Variants in CEP112 observed in about 807,000 individuals in gnomAD.
The protein encoded by CEP112 is centrosomal protein of 112 kDa.
A neutral mutation model predicts 153.0 loss-of-function variants in CEP112; 127 were observed. The observed-to-expected ratio is 0.83, with a 90% CI of 0.72 to 0.96. The LOEUF (loss-of-function observed/expected upper bound fraction) is 0.96, where lower values mean the gene tolerates loss of function less well. CEP112 is among the 40% of genes least tolerant of loss of function. CEP112 has a pLI of 0.00. For missense variants in CEP112, 1,089 were observed against 1,101.2 expected, an observed-to-expected ratio of 0.99 and a Z score of 0.16; for synonymous variants, 358 against 374.4, an observed-to-expected ratio of 0.96 and a Z score of 0.51.
At chr17:66,048,169 T>C (rs576865173) in intron 12 of CEP112, among the ~76,000 whole-genome samples, 1 of 152,010 alleles carries the variant, frequency 6.6e-6, no homozygotes, top group African/African-American at 2.4e-5. Flanking sequence ...AACCGATAGA[T>C]CCAGACAGCT....
intron 4 of CEP112, among the ~76,000 whole-genome samples, chr17:66,172,970 G>C (rs897983259): frequency 1.3e-5 from 2 of 151,962 alleles, no homozygotes; most frequent in Non-Finnish European, 2.9e-5. Flanking sequence ...TATTGCTCAC[G>C]CTGGCCTCAC....
chr17:65,860,233 CCT>C (rs2058269967), intron 20 of CEP112, among the ~76,000 whole-genome samples: 2 of 151,916 alleles, frequency 1.3e-5, no homozygotes, highest in Non-Finnish European at 2.9e-5. Flanking sequence ...TAGAAATAAG[CCT>C]ATCAAAAGAT....
intron 23 of CEP112, among the ~76,000 whole-genome samples, chr17:65,729,416 A>C (rs1002075062): frequency 3.3e-5 from 5 of 152,078 alleles, no homozygotes; most frequent in African/African-American, 7.2e-5. Flanking sequence ...GTGCAAAAGT[A>C]ATTGCGGTTT....
At chr17:65,953,308 A>T (rs567594310) in intron 18 of CEP112, among the ~76,000 whole-genome samples, 1 of 152,330 alleles carries the variant, frequency 6.6e-6, no homozygotes, top group Non-Finnish European at 1.5e-5. Context: ...AGAAAGTTGA[A>T]ATACAGATTA....
intron 18 of CEP112, among the ~76,000 whole-genome samples, chr17:65,958,200 T>C (rs1046338056): frequency 9.9e-5 from 15 of 152,216 alleles, no homozygotes; most frequent in Non-Finnish European, 7.3e-5. Context: ...GGTTCATGTA[T>C]TCATACAAAT....
intron 8 of CEP112, among the ~76,000 whole-genome samples, chr17:66,081,715 G>A (rs894943637): frequency 6.6e-6 from 1 of 151,530 alleles, no homozygotes; most frequent in African/African-American, 2.4e-5. Context: ...AGGAGTTCAA[G>A]ACCAGCCTGG....
intron 25 of CEP112, among the ~76,000 whole-genome samples, chr17:65,639,973 G>A (rs1348820877): frequency 6.7e-6 from 1 of 148,838 alleles, no homozygotes; most frequent in Non-Finnish European, 1.5e-5. Flanking sequence ...GAGTAGCTGG[G>A]ATAACAGGCA....
In CEP112 at chr17:66,030,022, T is replaced by C. The variant is rs1408160411; in HGVS notation, c.1220A>G (p.Asn407Ser). 1 of 1,612,928 alleles carries C rather than the reference T, an allele frequency of 6.2e-7. No homozygotes were observed. Among genetic ancestry groups the C allele is most frequent in the South Asian group, 1.1e-5 (1 of 90,816 alleles). ...GGCCTCCAGTTCTTTGATCATGTGG[T>C]TCTAAAAGAACAGGTCATGGTTAAG... The part of the protein sequence containing the change: ...SEYMAQTQST[N>S]HMIKELEARV... The change falls in exon 13 of 27, where the codon AAC becomes AGC. Residue 407 changes from asparagine (N) to serine (S), a missense_variant and splice_region_variant. Transcript: ENST00000535342.
chr17:65,773,961 C>T (rs1001632229), intron 21 of CEP112, among the ~76,000 whole-genome samples: 1 of 151,952 alleles, frequency 6.6e-6, no homozygotes, highest in African/African-American at 2.4e-5. Context: ...GTGGCACACG[C>T]CTGTAATCCC....
At chr17:65,723,240 T>C (rs1006217485) in intron 23 of CEP112, among the ~76,000 whole-genome samples, 1 of 152,142 alleles carries the variant, frequency 6.6e-6, no homozygotes, top group Non-Finnish European at 1.5e-5. Context: ...GAAAAAAAAC[T>C]GGCCAAACTC....
At chr17:65,742,607 T>A (rs867035723) in intron 23 of CEP112, among the ~76,000 whole-genome samples, 12 of 152,210 alleles carry the variant, frequency 7.9e-5, no homozygotes, top group Admixed American at 3.3e-4. Flanking sequence ...CTGTACTGTG[T>A]CAAAGCACAT....
At chr17:65,971,919 G>C (rs912318217) in intron 17 of CEP112, among the ~76,000 whole-genome samples, 2 of 152,040 alleles carry the variant, frequency 1.3e-5, no homozygotes, top group African/African-American at 2.4e-5. Flanking sequence ...GAAATGCAGG[G>C]GTGAATAAAC....
chr17:65,883,790 G>C (rs1046816687), intron 20 of CEP112, among the ~76,000 whole-genome samples: 1 of 152,216 alleles, frequency 6.6e-6, no homozygotes, highest in Non-Finnish European at 1.5e-5. Flanking sequence ...GATAAGGCAA[G>C]ATTATCAGTT....
intron 8 of CEP112, among the ~76,000 whole-genome samples, chr17:66,073,947 G>T (rs923716876): frequency 6.6e-6 from 1 of 151,910 alleles, no homozygotes; most frequent in Non-Finnish European, 1.5e-5. Flanking sequence ...AAAAAGAAAA[G>T]AAAATTTTGT....
chr17:66,000,373 T>C (rs1319280288), intron 17 of CEP112, among the ~76,000 whole-genome samples: 1 of 151,800 alleles, frequency 6.6e-6, no homozygotes, highest in African/African-American at 2.4e-5. Context: ...AAGAAAGTGT[T>C]TGTGGTTTTA....
intron 24 of CEP112, among the ~76,000 whole-genome samples, chr17:65,678,712 T>C (rs763613259): frequency 5.3e-5 from 8 of 152,096 alleles, no homozygotes; most frequent in Non-Finnish European, 1.0e-4. Flanking sequence ...ACTTCAACAA[T>C]GTAGAAAATG....
At chr17:65,765,301 T>C (rs1212122204) in intron 21 of CEP112, among the ~76,000 whole-genome samples, 1 of 151,396 alleles carries the variant, frequency 6.6e-6, no homozygotes, top group Non-Finnish European at 1.5e-5. Flanking sequence ...CATTTTCTTT[T>C]CTTTGGGGTC....
chr17:66,114,934 G>A (rs1267094838), intron 6 of CEP112, among the ~76,000 whole-genome samples: 1 of 152,052 alleles, frequency 6.6e-6, no homozygotes, highest in African/African-American at 2.4e-5. Context: ...GCCAGGCGCA[G>A]TGGCTCATGC....
chr17:65,721,576 C>A (rs1295811063), intron 23 of CEP112, among the ~76,000 whole-genome samples: 1 of 152,138 alleles, frequency 6.6e-6, no homozygotes, highest in Non-Finnish European at 1.5e-5. Flanking sequence ...ATCATAGAAA[C>A]AAATCATTTG....
Sources: allele counts gnomAD v4.1 joint callset (sites outside exome capture counted in the v4.1 genomes callset), GRCh38; gene constraint gnomAD v4.1.1; transcripts MANE v1.5; gene names NCBI Gene and HGNC (gene_info 2026-07-23, HGNC 2026-07-21).